The following TBC1D4 variants were observed in gnomAD, a reference collection of about 807,000 sequenced individuals.
TBC1D4 encodes TBC (Tre-2, BUB2, CDC16) domain-containing protein.
A neutral mutation model predicts 142.5 loss-of-function variants in TBC1D4; 121 were observed. The observed-to-expected ratio is 0.85, with a 90% CI of 0.73 to 0.99. The LOEUF is 0.99. TBC1D4 is among the 50% of genes least tolerant of loss of function. TBC1D4 has a pLI of 0.00. For missense variants in TBC1D4, 1,475 were observed against 1,606.6 expected (o/e 0.92, Z 1.40); for synonymous variants, 630 against 628.2 (o/e 1.00, Z -0.04).
At chr13:75,399,842 G>A (rs1884992866) in intron 1 of TBC1D4, among the ~76,000 whole-genome samples, 1 of 152,166 alleles carries the variant, frequency 6.6e-6, no homozygotes, top group Admixed American at 6.5e-5. Context: ...AAGGCTAACA[G>A]TTTCTACTAT....
At chr13:75,473,061 C>A (rs908526401) in intron 1 of TBC1D4, among the ~76,000 whole-genome samples, 3 of 152,172 alleles carry the variant, frequency 2.0e-5, no homozygotes, top group Non-Finnish European at 4.4e-5. Context: ...GTGGCACAAT[C>A]ACGGCTCACT....
intron 14 of TBC1D4, 67 bp downstream of exon 14, chr13:75,309,875 A>G: frequency 2.0e-6 from 3 of 1,526,690 alleles, no homozygotes; most frequent in Non-Finnish European, 2.7e-6. Flanking sequence ...ATGGGGAGAG[A>G]AAGGTAGGTT....
intron 1 of TBC1D4, among the ~76,000 whole-genome samples, chr13:75,397,935 G>A (rs1299367457): frequency 6.6e-6 from 1 of 152,146 alleles, no homozygotes; most frequent in Non-Finnish European, 1.5e-5. Context: ...ACTAAGGCTT[G>A]GCTACTTCCA....
At chr13:75,388,419 T>C (rs1884301218) in intron 1 of TBC1D4, among the ~76,000 whole-genome samples, 3 of 152,350 alleles carry the variant, frequency 2.0e-5, no homozygotes, top group East Asian at 1.9e-4. Flanking sequence ...TCTCATGTAT[T>C]ATATTTTTAA....
intron 10 of TBC1D4, among the ~76,000 whole-genome samples, chr13:75,325,659 T>C (rs1323850009): frequency 1.3e-5 from 2 of 152,252 alleles, no homozygotes; most frequent in Non-Finnish European, 2.9e-5. Flanking sequence ...CTGTCAATTA[T>C]GGTATATATA....
At chr13:75,361,649 G>C (rs1485579553) in intron 2 of TBC1D4, among the ~76,000 whole-genome samples, 2 of 152,148 alleles carry the variant, frequency 1.3e-5, no homozygotes, top group South Asian at 4.1e-4. Flanking sequence ...CAAGGTGCCG[G>C]AATTACAGGC....
At chr13:75,291,491 T>C (rs186059888) in intron 19 of TBC1D4, among the ~76,000 whole-genome samples, 9 of 152,320 alleles carry the variant, frequency 5.9e-5, no homozygotes, top group Admixed American at 2.0e-4. Flanking sequence ...CACACCTTTA[T>C]AGATGGTTCC....
chr13:75,404,331 T>C (rs1566464837), intron 1 of TBC1D4, among the ~76,000 whole-genome samples: 1 of 152,176 alleles, frequency 6.6e-6, no homozygotes, highest in African/African-American at 2.4e-5. Context: ...CCCAGTTTCT[T>C]CTATTGTTAA....
At chr13:75,364,942 C>T (rs2138185644) in intron 1 of TBC1D4, among the ~76,000 whole-genome samples, 1 of 152,304 alleles carries the variant, frequency 6.6e-6, no homozygotes, top group East Asian at 1.9e-4. Flanking sequence ...CTCAGAGTTC[C>T]ATTCTACAAT....
At chr13:75,306,810 T>C (rs1265910348) in intron 14 of TBC1D4, among the ~76,000 whole-genome samples, 1 of 152,218 alleles carries the variant, frequency 6.6e-6, no homozygotes, top group African/African-American at 2.4e-5. Flanking sequence ...ATATGTGCCA[T>C]ACATGAGAAG....
chr13:75,381,475 T>C (rs1172207839), intron 1 of TBC1D4, among the ~76,000 whole-genome samples: 2 of 152,254 alleles, frequency 1.3e-5, no homozygotes, highest in African/African-American at 4.8e-5. Flanking sequence ...TTCTTGTGTA[T>C]GCTTAAAAAG....
chr13:75,340,475 TA>T (rs1186084741), intron 7 of TBC1D4, among the ~76,000 whole-genome samples: 1 of 152,202 alleles, frequency 6.6e-6, no homozygotes, highest in Non-Finnish European at 1.5e-5. Flanking sequence ...TTCGATGAAA[TA>T]AAATGTTCAT....
intron 16 of TBC1D4, 22 bp from the exon 17 acceptor site, chr13:75,299,596 A>G: frequency 1.2e-6 from 2 of 1,613,586 alleles, no homozygotes; most frequent in Non-Finnish European, 1.7e-6. Context: ...AAGAAGGAAA[A>G]TATTTTTTGA....
chr13:75,382,087 G>A (rs993841128), intron 1 of TBC1D4, among the ~76,000 whole-genome samples: 2 of 73,912 alleles, frequency 2.7e-5, no homozygotes, highest in African/African-American at 8.4e-5. Context: ...GCTCTCATTA[G>A]CTCTTTCCAC....
At chr13:75,306,664 A>G (rs1288220433) in intron 14 of TBC1D4, among the ~76,000 whole-genome samples, 193 bp from the exon 15 acceptor site, 1 of 152,194 alleles carries the variant, frequency 6.6e-6, no homozygotes, top group African/African-American at 2.4e-5. Flanking sequence ...ATGTGAGAAA[A>G]AAAATGAGGA....
intron 1 of TBC1D4, among the ~76,000 whole-genome samples, chr13:75,424,483 A>G (rs2138134127): frequency 6.6e-6 from 1 of 152,222 alleles, no homozygotes; most frequent in South Asian, 2.1e-4. Context: ...CAAAATTCCA[A>G]TGACATTTTT....
intron 9 of TBC1D4, among the ~76,000 whole-genome samples, chr13:75,327,316 A>G (rs899897392): frequency 1.3e-5 from 2 of 152,216 alleles, no homozygotes; most frequent in African/African-American, 4.8e-5. Context: ...ACTACGCAGG[A>G]AACAGGAAAC....
intron 1 of TBC1D4, among the ~76,000 whole-genome samples, chr13:75,453,888 T>C (rs1014892043): frequency 6.6e-6 from 1 of 151,936 alleles, no homozygotes; most frequent in African/African-American, 2.4e-5. Context: ...TCTTATTTAA[T>C]AATATCGAAA....
chr13:75,356,090 T>A, intron 4 of TBC1D4, 57 bp downstream of exon 4: 1 of 1,334,260 alleles, frequency 7.5e-7, no homozygotes, highest in Non-Finnish European at 1.1e-6. Context: ...AAGAGACAAG[T>A]CTTCTGTTCG....
Sources: gnomAD v4.1 joint callset for allele counts (sites outside exome capture counted in the v4.1 genomes callset) on GRCh38, gnomAD v4.1.1 for gene constraint, MANE v1.5 for transcripts, NCBI Gene and HGNC (gene_info 2026-07-23, HGNC 2026-07-21) for gene names.